TPD52L2: variants seen among roughly 807,000 people sequenced by gnomAD.
TPD52L2 encodes the protein TPD52 like 2, also known as tumor protein D54.
A neutral mutation model predicts 24.7 loss-of-function variants in TPD52L2; 19 were observed. That is an observed-to-expected ratio of 0.77 (90% CI 0.54 to 1.13). The LOEUF is 1.13. Ranked by LOEUF, TPD52L2 falls within the 50% of genes most tolerant of loss-of-function variation. TPD52L2 has a pLI of 0.00. For missense variants in TPD52L2, 236 were observed against 250.4 expected, an observed-to-expected ratio of 0.94 and a Z score of 0.39; for synonymous variants, 104 against 100.2, an observed-to-expected ratio of 1.04 and a Z score of -0.23.
intron 5 of TPD52L2, 100 bp downstream of exon 5, chr20:63,882,920 A>T (rs1301725989): frequency 2.3e-6 from 2 of 860,636 alleles, no homozygotes; most frequent in East Asian, 5.3e-5. Context: ...CAGGGCTCAG[A>T]TGCACTGGCT....
intron 2 of TPD52L2, 112 bp downstream of exon 2, chr20:63,869,553 C>G: frequency 7.5e-7 from 1 of 1,341,746 alleles, no homozygotes; most frequent in Non-Finnish European, 1.0e-6. Flanking sequence ...GGGTGGTCAC[C>G]TACCCTGCTC....
intron 5 of TPD52L2, chr20:63,888,725 G>T (rs2053222399): frequency 6.3e-6 from 1 of 159,106 alleles, no homozygotes; most frequent in Admixed American, 5.9e-5. Flanking sequence ...AGAGCCCGGG[G>T]TATCCCTGTA....
At chr20:63,874,363 C>CTTTT (rs369640456) in intron 3 of TPD52L2, among the ~76,000 whole-genome samples, 3 of 133,358 alleles carry the variant, frequency 2.2e-5, no homozygotes, top group Non-Finnish European at 3.2e-5. Flanking sequence ...CCACGCTGGC[C>CTTTT]TTTTTTTTTT....
chr20:63,866,193 C>T (rs1600770907), intron 1 of TPD52L2, among the ~76,000 whole-genome samples: 2 of 152,190 alleles, frequency 1.3e-5, no homozygotes, highest in East Asian at 3.9e-4. Flanking sequence ...CAACCTCGAC[C>T]TCCCGGGTTC....
chr20:63,866,118 T>A (rs2052219852), intron 1 of TPD52L2, among the ~76,000 whole-genome samples: 1 of 152,172 alleles, frequency 6.6e-6, no homozygotes. Context: ...CTTTCTTTAT[T>A]TTTTTGAGAC....
rs191491211 is a variant in TPD52L2 at position 63,871,475 on chromosome 20, G to A, written c.165+2034G>A. Among the ~76,000 whole-genome samples the A allele has an allele frequency of 4.6e-5, 7 of 150,886 alleles. No individual in the cohort carries two copies. In the East Asian group the frequency reaches 1.2e-3, roughly 25 times the overall value. The stretch of plus-strand genomic sequence containing the variant: ...AGTGATTCTCTTGCCTCAGCCTCCC[G>A]AGTAGCTGGGATTACAGGCGCACAG... On this transcript the variant is annotated intron_variant, in intron 2 of 6. Transcript: ENST00000346249.
chr20:63,870,842 C>T (rs539764946), intron 2 of TPD52L2, among the ~76,000 whole-genome samples: 100 of 151,650 alleles, frequency 6.6e-4, no homozygotes, highest in African/African-American at 2.3e-3. Context: ...CTCAGCCTCC[C>T]GAATATCTGG....
intron 1 of TPD52L2, among the ~76,000 whole-genome samples, chr20:63,867,502 G>T (rs1419161843): frequency 6.6e-6 from 1 of 152,040 alleles, no homozygotes; most frequent in African/African-American, 2.4e-5. Context: ...GGAGGTGGAG[G>T]TTGCAGTGAG....
rs543146614 is a variant in TPD52L2, at chr20:63,890,394, C to T, written c.*449C>T. The T allele has an allele frequency of 7.6e-5, 14 of 183,284 alleles. No individual in the cohort carries two copies. The highest frequency in any genetic ancestry group is 1.9e-4 in the African/African-American group (8 of 42,698). The allele number at this position is 183,284 out of a possible 1,614,324, so 11.4% of individuals were successfully genotyped here. On this transcript the variant is annotated 3_prime_UTR_variant, in exon 7 of 7. Transcript: ENST00000346249. ...ATCACCCAGCAAGTCCTACCTGTTA[C>T]GCAATTTTTTATCTCAAAATGCCGA...
At chr20:63,865,608 C>G (rs929364806) in intron 1 of TPD52L2, among the ~76,000 whole-genome samples, 25 of 152,328 alleles carry the variant, frequency 1.6e-4, no homozygotes, top group African/African-American at 5.5e-4. Flanking sequence ...CAGCCGCCCT[C>G]CTGGTCTCCC....
Position 63,877,258 on chromosome 20 carries a change from C to T in TPD52L2, c.374+1383C>T. ...GCCAGGATGGTCTCAATCTCCTGAC[C>T]TCGTGATCCGCCTGCCTCAGCCTCC... On this transcript the variant is annotated intron_variant, in intron 4 of 6. Transcript: ENST00000346249. The surrounding 1 kb of genome is among the most constrained non-coding windows in gnomAD (Gnocchi z 4.1). 6.2e-6 allele frequency: 2 copies of T among 320,600 alleles called. No homozygotes were observed. The highest frequency in any genetic ancestry group is 4.9e-5 in the South Asian group (2 of 41,022). 19.9% of individuals were successfully genotyped at this position (320,600 alleles called of 1,614,324 possible).
Position 63,890,120 on chromosome 20 carries a change from C to A in TPD52L2, c.*175C>A. 1 of 1,382,314 alleles carries A rather than the reference C, an allele frequency of 7.2e-7. No homozygotes were observed. Among genetic ancestry groups the A allele is most frequent in the Non-Finnish European group, 9.7e-7 (1 of 1,028,968 alleles). The allele number at this position is 1,382,314 out of a possible 1,614,324, so 85.6% of individuals were successfully genotyped here. On this transcript the variant is annotated 3_prime_UTR_variant, in exon 7 of 7. Coordinates refer to ENST00000346249, the MANE Select transcript of TPD52L2 (RefSeq NM_003288.4). Reference sequence around the variant, plus strand: ...CGCGTTTGCATGAATTTGAAGAACACAGGCTTGTACACAGATGTTTTACAC... The same window carrying A: ...CGCGTTTGCATGAATTTGAAGAACAAAGGCTTGTACACAGATGTTTTACAC...
intron 5 of TPD52L2, chr20:63,886,096 G>C: frequency 1.3e-6 from 2 of 1,581,250 alleles, no homozygotes; most frequent in Middle Eastern, 1.7e-4. Context: ...ATTGGGGCAG[G>C]GTGGACTCCG....
intron 4 of TPD52L2, among the ~76,000 whole-genome samples, chr20:63,881,579 T>C (rs184075757): frequency 7.0e-4 from 107 of 152,244 alleles, no homozygotes; most frequent in African/African-American, 2.3e-3. Flanking sequence ...AGGCCCATCA[T>C]TGGGACCTGG....
intron 5 of TPD52L2, chr20:63,887,807 C>T: frequency 1.6e-6 from 1 of 610,208 alleles, no homozygotes; most frequent in Non-Finnish European, 2.9e-6. Context: ...TCAGGCTCTT[C>T]ACCTGCAGCC....
intron 2 of TPD52L2, 83 bp from the exon 3 acceptor site, chr20:63,873,585 T>A (rs567666580): frequency 1.4e-6 from 2 of 1,471,218 alleles, no homozygotes; most frequent in African/African-American, 2.9e-5. Flanking sequence ...AAAGTTCTTG[T>A]GTAACTCATG....
chr20:63,875,733 C>G (rs960838296), intron 3 of TPD52L2, 83 bp from the exon 4 acceptor site: 1 of 1,435,414 alleles, frequency 7.0e-7, no homozygotes, highest in Non-Finnish European at 9.7e-7. Context: ...CCCTCTCTGT[C>G]TTCCCTGGAA....
chr20:63,881,359 C>CAA (rs1007760444), intron 4 of TPD52L2, among the ~76,000 whole-genome samples: 4 of 106,828 alleles, frequency 3.7e-5, no homozygotes, highest in African/African-American at 7.1e-5. Flanking sequence ...GACTTTGTCT[C>CAA]AAAAAAAAAA....
Position 63,882,748 on chromosome 20 carries a change from A to G in TPD52L2, c.404A>G (p.Gln135Arg), listed in dbSNP as rs780189020. ...LYKKTQETLS[Q>R]AGQKTSAALS... The stretch of plus-strand genomic sequence containing the variant: ...AAGAAGACTCAGGAAACTCTTTCAC[A>G]GGCAGGACAGAAGACTTCAGCTGCC... Residue 135 changes from glutamine to arginine, a missense_variant, in exon 5 of 7, where the codon CAG becomes CGG. Coordinates refer to ENST00000346249, the MANE Select transcript of TPD52L2 (RefSeq NM_003288.4). The G allele has an allele frequency of 2.5e-6, 4 of 1,614,188 alleles. No homozygotes were observed. The highest frequency in any genetic ancestry group is 1.7e-6 in the Non-Finnish European group (2 of 1,180,004).
Sources: allele counts gnomAD v4.1 joint callset (sites outside exome capture counted in the v4.1 genomes callset), GRCh38; gene constraint gnomAD v4.1.1; non-coding constraint Gnocchi (gnomAD v3.1); transcripts MANE v1.5; gene names NCBI Gene and HGNC (gene_info 2026-07-23, HGNC 2026-07-21).